MYO1E: variants seen among roughly 807,000 people sequenced by gnomAD.
MYO1E encodes the protein unconventional myosin-Ie.
MYO1E carries 68 observed loss-of-function variants against 151.1 expected under a neutral mutation model. That is an observed-to-expected ratio of 0.45 (90% CI 0.37 to 0.55). The LOEUF is 0.55. Among genes scored for constraint, MYO1E ranks in the 20% least tolerant of loss-of-function variants. The pLI is 0.00. For missense variants in MYO1E, 1,363 were observed against 1,389.3 expected (o/e 0.98, Z 0.30); for synonymous variants, 601 against 501.7 (o/e 1.20, Z -2.64).
intron 1 of MYO1E, among the ~76,000 whole-genome samples, chr15:59,331,293 T>C (rs1456922736): frequency 1.3e-5 from 2 of 152,144 alleles, no homozygotes; most frequent in African/African-American, 4.8e-5. Context: ...GGACTCACTA[T>C]ATTATGGACA....
Position 59,208,822 on chromosome 15 carries a change from C to G in MYO1E, c.1389G>C (p.Leu463=). 1 of 1,614,148 alleles carries G rather than the reference C, an allele frequency of 6.2e-7. No homozygotes were observed. The highest frequency in any genetic ancestry group is 8.5e-7 in the Non-Finnish European group (1 of 1,180,038). The change falls in exon 14 of 28, where the codon CTG becomes CTC. Residue 463 remains leucine, a synonymous_variant. Transcript: ENST00000288235. ...KVNPPGIMSI[L]DDVCATMHAV... ...CATGCATCGTGGCGCACACGTCATCCAGGATGCTCATGATGCCAGGAGGGT... is the reference window on the plus strand; with the variant it reads ...CATGCATCGTGGCGCACACGTCATCGAGGATGCTCATGATGCCAGGAGGGT...
chr15:59,308,872 T>C (rs1467500538), intron 1 of MYO1E, among the ~76,000 whole-genome samples: 3 of 151,870 alleles, frequency 2.0e-5, no homozygotes, highest in East Asian at 3.9e-4. Flanking sequence ...GATTTGTTTA[T>C]TATTTATTTA....
At chr15:59,230,295 A>G (rs1354078636) in intron 6 of MYO1E, among the ~76,000 whole-genome samples, 1 of 150,694 alleles carries the variant, frequency 6.6e-6, no homozygotes, top group Admixed American at 6.7e-5. Flanking sequence ...CAATCTTTCT[A>G]TCAGGGTTGT....
At chr15:59,324,565 CT>C (rs1359500332) in intron 1 of MYO1E, among the ~76,000 whole-genome samples, 1 of 152,110 alleles carries the variant, frequency 6.6e-6, no homozygotes, top group Non-Finnish European at 1.5e-5. Context: ...CTCAGAGATG[CT>C]GCCAGATAGA....
intron 18 of MYO1E, 121 bp downstream of exon 18, chr15:59,187,997 A>G: frequency 1.3e-6 from 1 of 793,312 alleles, no homozygotes; most frequent in South Asian, 1.4e-5. Context: ...TGATAGTTGC[A>G]CAACTCTGTG....
At chr15:59,365,238 C>G (rs764996428) in intron 1 of MYO1E, among the ~76,000 whole-genome samples, 1 of 151,988 alleles carries the variant, frequency 6.6e-6, no homozygotes, top group African/African-American at 2.4e-5. Context: ...AGGCTGGTCT[C>G]GGACTTCTGA....
At position 59,159,287 on chromosome 15, in the gene MYO1E, T is replaced by C. The variant is rs1252791238; in HGVS notation, c.2786-908A>G. Among the ~76,000 whole-genome samples, 7 of 152,130 alleles carry C rather than the reference T, an allele frequency of 4.6e-5. No homozygotes were observed. The highest frequency in any genetic ancestry group is 7.2e-5 in the African/African-American group (3 of 41,448). On this transcript the variant is annotated intron_variant, in intron 24 of 27. Transcript: ENST00000288235. This position sits in a 1 kb window ranked among gnomAD's most constrained non-coding sequence, Gnocchi z 4.4. ...GCCACTCTCGCCACCCCAAATAAGA[T>C]AGAATCCAACACCTATTGGGCAATT...
intron 1 of MYO1E, among the ~76,000 whole-genome samples, chr15:59,300,921 G>T (rs1166096868): frequency 7.2e-6 from 1 of 138,354 alleles, no homozygotes; most frequent in Non-Finnish European, 1.5e-5. Context: ...AGGCTAGAGT[G>T]CACTGGCACC....
intron 26 of MYO1E, among the ~76,000 whole-genome samples, chr15:59,145,589 A>C (rs1382153026): frequency 6.6e-6 from 1 of 151,300 alleles, no homozygotes; most frequent in Non-Finnish European, 1.5e-5. Flanking sequence ...ATGGGGTTTC[A>C]CCCTGTTGCC....
At chr15:59,171,371 AAC>A (rs1189960742) in intron 22 of MYO1E, 2 of 170,796 alleles carry the variant, frequency 1.2e-5, no homozygotes, top group African/African-American at 4.8e-5. Context: ...TGTGGAAGCA[AAC>A]ACCACTCCCC....
At chr15:59,313,953 T>A (rs2080569116) in intron 1 of MYO1E, among the ~76,000 whole-genome samples, 2 of 152,386 alleles carry the variant, frequency 1.3e-5, no homozygotes, top group Middle Eastern at 3.4e-3. Flanking sequence ...CCAGACTGAC[T>A]GGAACAGGAG....
intron 6 of MYO1E, among the ~76,000 whole-genome samples, chr15:59,230,373 C>T (rs1418726544): frequency 3.3e-5 from 5 of 151,486 alleles, no homozygotes; most frequent in African/African-American, 4.8e-5. Flanking sequence ...ACTGATATAT[C>T]CTCCAAATAT....
intron 1 of MYO1E, among the ~76,000 whole-genome samples, chr15:59,361,127 A>G (rs914528931): frequency 2.0e-5 from 3 of 152,174 alleles, no homozygotes; most frequent in Admixed American, 1.3e-4. Context: ...AAGCCATCCC[A>G]TGGCCCCAGC....
At position 59,277,564 on chromosome 15, in the gene MYO1E, A is replaced by AAAAAAAAAACAAAAAAAAAAC. The variant is rs1555416380; in HGVS notation, c.4-5116_4-5115insGTTTTTTTTTTGTTTTTTTTT. ...ATCCCCCCACAAAAAAAAAAAAAAAAAAAAAAAAACATCAAAGCCTCATCC... is the reference window on the plus strand; with the variant it reads ...ATCCCCCCACAAAAAAAAAAAAAAAAAAAAAAAAACAAAAAAAAAACAAAAAAAAACATCAAAGCCTCATCC... On this transcript the variant is annotated intron_variant, in intron 1 of 27. Coordinates refer to ENST00000288235, the MANE Select transcript of MYO1E (RefSeq NM_004998.4). 7.7e-4 allele frequency among the ~76,000 whole-genome samples: 108 copies of AAAAAAAAAACAAAAAAAAAAC among 139,736 alleles called. 1 individual carries two copies. The highest frequency in any genetic ancestry group is 1.9e-3 in the East Asian group (9 of 4,718). The allele number at this position is 139,736 out of a possible 152,430, so 91.7% of individuals were successfully genotyped here.
chr15:59,361,981 C>G (rs1235659488), intron 1 of MYO1E, among the ~76,000 whole-genome samples: 1 of 152,022 alleles, frequency 6.6e-6, no homozygotes, highest in South Asian at 2.1e-4. Context: ...GGATTACGGG[C>G]GTCTACCACC....
intron 15 of MYO1E, among the ~76,000 whole-genome samples, chr15:59,203,453 C>T (rs1196329901): frequency 2.7e-5 from 4 of 150,874 alleles, no homozygotes; most frequent in African/African-American, 9.7e-5. Flanking sequence ...GATCTTGGCT[C>T]GCTGCAACCT....
chr15:59,345,498 G>C (rs1463825662), intron 1 of MYO1E, among the ~76,000 whole-genome samples: 2 of 152,180 alleles, frequency 1.3e-5, no homozygotes, highest in African/African-American at 4.8e-5. Context: ...TTTAGAAATA[G>C]GGGTCTTACT....
intron 17 of MYO1E, among the ~76,000 whole-genome samples, chr15:59,192,340 T>C (rs2079739375): frequency 6.6e-6 from 1 of 152,108 alleles, no homozygotes; most frequent in African/African-American, 2.4e-5. Context: ...ATCCTCATCC[T>C]ATGAGGATTT....
chr15:59,163,307 T>G lies in MYO1E; in HGVS notation c.2481-4A>C, dbSNP rs367784820. 2.3e-5 allele frequency: 37 copies of G among 1,612,924 alleles called. No homozygotes were observed. Among genetic ancestry groups the G allele is most frequent in the Non-Finnish European group, 2.9e-5 (34 of 1,179,382 alleles). On this transcript the variant is annotated splice_polypyrimidine_tract_variant and splice_region_variant and intron_variant, in intron 22 of 27. Transcript: ENST00000288235. ...AAAAATGTCATCCTGCATAGTACTG[T>G]AAAGAGATTGGACAAACACACTTGG...
Sources: gnomAD v4.1 joint callset for allele counts (sites outside exome capture counted in the v4.1 genomes callset) on GRCh38, gnomAD v4.1.1 for gene constraint, Gnocchi (gnomAD v3.1) non-coding constraint, MANE v1.5 for transcripts, NCBI Gene and HGNC (gene_info 2026-07-23, HGNC 2026-07-21) for gene names.